The following DOCK7 variants were observed in gnomAD, a reference collection of about 807,000 sequenced individuals.
DOCK7 encodes the protein dedicator of cytokinesis protein 7.
DOCK7 carries 138 observed loss-of-function variants against 271.0 expected under a neutral mutation model. That is an observed-to-expected ratio of 0.51 (90% confidence interval 0.44 to 0.59). The LOEUF (loss-of-function observed/expected upper bound fraction) is 0.59, where lower values mean the gene tolerates loss of function less well. Among genes scored for constraint, DOCK7 ranks in the 20% least tolerant of loss-of-function variants. The pLI is 0.00. For missense variants in DOCK7, 2,066 were observed against 2,592.4 expected (o/e 0.80, Z 4.41); for synonymous variants, 823 against 876.1 (o/e 0.94, Z 1.07).
At chr1:62,659,488 GA>G (rs752786097) in intron 2 of DOCK7, among the ~76,000 whole-genome samples, 4 of 151,892 alleles carry the variant, frequency 2.6e-5, no homozygotes, top group Non-Finnish European at 4.4e-5. Flanking sequence ...AGAAAACAGA[GA>G]GATGAAAAAT....
chr1:62,582,144 T>C (rs1422494666), intron 16 of DOCK7, among the ~76,000 whole-genome samples: 1 of 152,090 alleles, frequency 6.6e-6, no homozygotes, highest in Non-Finnish European at 1.5e-5. Flanking sequence ...CACGTCAAGT[T>C]GGATAGTCTT....
chr1:62,508,008 G>A lies in DOCK7; in HGVS notation c.4430C>T (p.Thr1477Ile). Residue 1477 changes from threonine to isoleucine, a missense_variant, in exon 35 of 50, where the codon ACA (threonine) becomes ATA (isoleucine). By Grantham distance (89) the Thr-to-Ile change is moderately conservative. Around this residue, in one of 2 missense-constraint regions of DOCK7, gnomAD observed 652 missense variants for 922.1 expected, o/e 0.71. Transcript: ENST00000635253. ...HEALIDGNLA[T>I]EANLIILDTL... ...ATCTAAAATGATTAGGTTTGCTTCT[G>A]TAGCCAGGTTTCCATCAATCAGTGC... is the stretch of plus-strand genomic sequence containing the variant. The A allele has an allele frequency of 6.2e-7, 1 of 1,613,028 alleles. No individual in the cohort carries two copies. The highest frequency in any genetic ancestry group is 8.5e-7 in the Non-Finnish European group (1 of 1,179,740).
intron 17 of DOCK7, 91 bp from the exon 18 acceptor site, chr1:62,577,454 A>T (rs905531785): frequency 9.1e-6 from 7 of 769,228 alleles, no homozygotes; most frequent in African/African-American, 1.7e-5. Flanking sequence ...TACAAGCCAA[A>T]TTTGTCCCAT....
At chr1:62,544,207 C>T (rs183146097) in intron 23 of DOCK7, among the ~76,000 whole-genome samples, 2 of 152,180 alleles carry the variant, frequency 1.3e-5, no homozygotes, top group Admixed American at 1.3e-4. Context: ...TTGTCATATA[C>T]TAAATCAAAT....
chr1:62,661,278 A>G (rs1165828306), intron 2 of DOCK7, among the ~76,000 whole-genome samples: 1 of 151,998 alleles, frequency 6.6e-6, no homozygotes. Flanking sequence ...GGAAGGGGGG[A>G]AAATGGGAAG....
intron 18 of DOCK7, among the ~76,000 whole-genome samples, chr1:62,565,177 G>C (rs997808747): frequency 2.0e-5 from 3 of 151,970 alleles, no homozygotes; most frequent in Non-Finnish European, 4.4e-5. Flanking sequence ...GAAAAAGAGG[G>C]ACTCCTCCCT....
At chr1:62,681,842 A>C (rs1485177468) in intron 1 of DOCK7, among the ~76,000 whole-genome samples, 1 of 152,202 alleles carries the variant, frequency 6.6e-6, no homozygotes, top group Admixed American at 6.5e-5. Flanking sequence ...TTGTGCAAAG[A>C]AGCAAGACAG....
chr1:62,538,271 A>T (rs568884434), intron 27 of DOCK7, among the ~76,000 whole-genome samples: 1 of 152,226 alleles, frequency 6.6e-6, no homozygotes, highest in Non-Finnish European at 1.5e-5. Flanking sequence ...ATATTTGACT[A>T]ACCTAAAAGC....
intron 45 of DOCK7, 53 bp downstream of exon 45, chr1:62,476,012 GCA>G: frequency 6.3e-7 from 1 of 1,599,242 alleles, no homozygotes; most frequent in Non-Finnish European, 8.6e-7. Context: ...AAACAAAATT[GCA>G]CAGAGGATTT....
Position 62,625,859 on chromosome 1 carries a change from A to G in DOCK7, c.1283-458T>C, listed in dbSNP as rs148837899. 6.8e-4 allele frequency among the ~76,000 whole-genome samples: 104 copies of G among 152,352 alleles called. 2 individuals are homozygous for G. The highest frequency in any genetic ancestry group is 3.4e-3 in the Middle Eastern group (1 of 294). ...CTGAAGATTAACAAGGAAATAGAAT[A>G]CTTGCACAAAACTATAAACAAACTA... On this transcript the variant is annotated intron_variant, in intron 11 of 49. Transcript: ENST00000635253.
At chr1:62,621,142 A>T (rs1009639085) in intron 12 of DOCK7, among the ~76,000 whole-genome samples, 5 of 152,022 alleles carry the variant, frequency 3.3e-5, no homozygotes, top group African/African-American at 1.2e-4. Context: ...AAGAGAGAGG[A>T]AGAAGAGGGA....
chr1:62,465,162 C>G, intron 48 of DOCK7, among the ~76,000 whole-genome samples: 1 of 152,172 alleles, frequency 6.6e-6, no homozygotes, highest in South Asian at 2.1e-4. Flanking sequence ...GTGGTGAGCT[C>G]AAATGTATCT....
In DOCK7 at chr1:62,528,222, C is replaced by T. The variant is rs778781740; in HGVS notation, c.3865G>A (p.Val1289Ile). Residue 1289 changes from valine to isoleucine, a missense_variant, in exon 31 of 50, where the codon GTT becomes ATT. By Grantham distance (29) the Val-to-Ile change is conservative. Coordinates refer to ENST00000635253, the MANE Select transcript of DOCK7 (RefSeq NM_001367561.1). ...SESGSMISQT[V>I]AMAIAGTSVP... Reference sequence around the variant, plus strand: ...GATGTCCCTGCGATTGCCATGGCAACGGTCTGGCTTATCATACTTCCGCTC... The same window carrying T: ...GATGTCCCTGCGATTGCCATGGCAATGGTCTGGCTTATCATACTTCCGCTC... The T allele has an allele frequency of 1.3e-5, 21 of 1,613,720 alleles. No homozygotes were observed. The East Asian group carries it at 2.0e-4, about 15-fold the overall frequency.
At chr1:62,644,578 A>G (rs562675828) in intron 7 of DOCK7, among the ~76,000 whole-genome samples, 57 of 152,328 alleles carry the variant, frequency 3.7e-4, no homozygotes, top group Non-Finnish European at 6.3e-4. Context: ...ATTCATATCA[A>G]CTTGACCATG....
In DOCK7 at chr1:62,492,800, C is replaced by G. The variant is rs1197560036; in HGVS notation, c.5265G>C (p.Val1755=). ...VLEESAVSDD[V]VSPDEEGICS... is the part of the protein sequence containing the mutation. ...AGATACCTTCTTCATCTGGAGATAC[C>G]ACATCATCTGAGACCGCAGATTCTT... is the stretch of plus-strand genomic sequence containing the variant. Residue 1755 remains valine (V), a synonymous_variant, in exon 41 of 50, where the codon GTG becomes GTC. Coordinates refer to ENST00000635253, the MANE Select transcript of DOCK7 (RefSeq NM_001367561.1). The G allele has an allele frequency of 6.2e-7, 1 of 1,613,642 alleles. No individual in the cohort carries two copies. The highest frequency in any genetic ancestry group is 8.5e-7 in the Non-Finnish European group (1 of 1,179,808).
intron 43 of DOCK7, 131 bp from the exon 44 acceptor site, chr1:62,477,956 A>AT: frequency 9.4e-7 from 1 of 1,062,504 alleles, no homozygotes; most frequent in Non-Finnish European, 1.3e-6. Context: ...AAATTATAAT[A>AT]TTTTAAATGA....
At chr1:62,481,333 G>A (rs1451497503) in intron 43 of DOCK7, 2 of 152,186 alleles carry the variant, frequency 1.3e-5, no homozygotes, top group African/African-American at 2.4e-5. Context: ...TGGAGTGGAG[G>A]AGAGAGCATC....
intron 7 of DOCK7, among the ~76,000 whole-genome samples, chr1:62,642,900 C>CA (rs1396022600): frequency 1.3e-5 from 2 of 152,300 alleles, no homozygotes; most frequent in African/African-American, 4.8e-5. Flanking sequence ...AATGCAAATT[C>CA]TTTGCAGATC....
chr1:62,653,931 G>T, intron 3 of DOCK7, 53 bp downstream of exon 3: 1 of 1,568,832 alleles, frequency 6.4e-7, no homozygotes, highest in South Asian at 1.2e-5. Context: ...AATAATGGAA[G>T]GTAGCCTTTC....
Sources: allele counts gnomAD v4.1 joint callset (sites outside exome capture counted in the v4.1 genomes callset), GRCh38; gene constraint gnomAD v4.1.1; regional missense constraint gnomAD v4.1.1; transcripts MANE v1.5; gene names NCBI Gene and HGNC (gene_info 2026-07-23, HGNC 2026-07-21).